ZFHX3: variants seen among roughly 807,000 people sequenced by gnomAD.
The protein encoded by ZFHX3 is zinc finger homeobox protein 3.
In ZFHX3, 42 loss-of-function variants were observed where a neutral mutation model predicts 279.1. The observed-to-expected ratio is 0.15, with a 90% CI of 0.12 to 0.19. The LOEUF is 0.19. Among genes scored for constraint, ZFHX3 ranks in the 10% least tolerant of loss-of-function variants. The probability of loss-of-function intolerance (pLI) is 1.00; values close to 1 mark genes in which losing one functional copy is unlikely to be tolerated. For missense variants in ZFHX3, 4,981 were observed against 4,754.0 expected (o/e 1.05, Z -1.40); for synonymous variants, 2,293 against 1,957.8 (o/e 1.17, Z -4.52).
intron 2 of ZFHX3, among the ~76,000 whole-genome samples, chr16:73,466,113 A>G (rs2018566365): frequency 6.6e-6 from 1 of 152,152 alleles, no homozygotes; most frequent in African/African-American, 2.4e-5. Context: ...GAAAACATGA[A>G]CTTAATTATA....
chr16:73,552,996 C>T (rs969893602), intron 2 of ZFHX3, among the ~76,000 whole-genome samples: 2 of 152,202 alleles, frequency 1.3e-5, no homozygotes, highest in African/African-American at 4.8e-5. Context: ...CTTCAAGCAC[C>T]TTTTGTCACA....
chr16:73,805,412 G>A (rs8048235), intron 1 of ZFHX3, among the ~76,000 whole-genome samples: 78 of 152,184 alleles, frequency 5.1e-4, no homozygotes, highest in East Asian at 3.5e-3. Flanking sequence ...CAGGTGATCC[G>A]CCTGCCTCTG....
chr16:73,712,070 G>A (rs565714381), intron 1 of ZFHX3, among the ~76,000 whole-genome samples: 35 of 152,308 alleles, frequency 2.3e-4, no homozygotes, highest in African/African-American at 8.4e-4. Flanking sequence ...TATACCTGTG[G>A]CTCATACGGA....
At chr16:73,502,088 T>A (rs4888429) in intron 2 of ZFHX3, among the ~76,000 whole-genome samples, 1 of 151,652 alleles carries the variant, frequency 6.6e-6, no homozygotes, top group African/African-American at 2.4e-5. Flanking sequence ...AGGTACAGCA[T>A]TAAAAGTTAC....
chr16:73,653,669 A>G (rs1310301530), intron 2 of ZFHX3, among the ~76,000 whole-genome samples: 1 of 152,026 alleles, frequency 6.6e-6, no homozygotes, highest in Non-Finnish European at 1.5e-5. Flanking sequence ...GTAAAAATAG[A>G]AAAAAAACCC....
chr16:73,430,186 G>A (rs915815783), intron 3 of ZFHX3, among the ~76,000 whole-genome samples: 9 of 152,042 alleles, frequency 5.9e-5, no homozygotes, highest in Non-Finnish European at 1.3e-4. Context: ...CACCCTGCTG[G>A]CTCTCCTCCA....
intron 5 of ZFHX3, among the ~76,000 whole-genome samples, chr16:73,249,978 A>C (rs957102899): frequency 6.6e-6 from 1 of 152,246 alleles, no homozygotes. Context: ...ATGGATGTAA[A>C]GGATGACAGC....
intron 4 of ZFHX3, among the ~76,000 whole-genome samples, chr16:72,831,337 TTA>T (rs2037055588): frequency 6.6e-6 from 1 of 152,064 alleles, no homozygotes; most frequent in Non-Finnish European, 1.5e-5. Flanking sequence ...AAGAGGGAGT[TTA>T]TGAGGCAGTC....
intron 5 of ZFHX3, among the ~76,000 whole-genome samples, chr16:73,229,800 A>C (rs1189184665): frequency 6.6e-6 from 1 of 152,218 alleles, no homozygotes; most frequent in Non-Finnish European, 1.5e-5. Context: ...CAGAGAACCA[A>C]ATAATATAGT....
At chr16:73,576,967 G>A (rs1461138003) in intron 2 of ZFHX3, among the ~76,000 whole-genome samples, 2 of 152,256 alleles carry the variant, frequency 1.3e-5, no homozygotes, top group Non-Finnish European at 2.9e-5. Flanking sequence ...GGATCTTTTA[G>A]TTAGATCTAG....
chr16:73,482,111 C>T (rs190326706), intron 2 of ZFHX3, among the ~76,000 whole-genome samples: 256 of 152,036 alleles, frequency 1.7e-3, no homozygotes, highest in African/African-American at 5.7e-3. Flanking sequence ...CAAGTGTATA[C>T]GAGTGGAAAA....
At chr16:73,469,942 G>A (rs1184406551) in intron 2 of ZFHX3, among the ~76,000 whole-genome samples, 1 of 152,088 alleles carries the variant, frequency 6.6e-6, no homozygotes, top group Non-Finnish European at 1.5e-5. Flanking sequence ...ATTGGTCTGG[G>A]GTGAAGCTTG....
chr16:73,883,069 C>T (rs949733179), intron 1 of ZFHX3, among the ~76,000 whole-genome samples: 1 of 151,312 alleles, frequency 6.6e-6, no homozygotes, highest in African/African-American at 2.4e-5. Context: ...AAAAAAACTA[C>T]ATGATTTCTA....
At chr16:73,018,113 G>A (rs970036747) in intron 1 of ZFHX3, among the ~76,000 whole-genome samples, 6 of 151,584 alleles carry the variant, frequency 4.0e-5, no homozygotes, top group Non-Finnish European at 7.4e-5. Flanking sequence ...AGCCTCTTGA[G>A]TAGCTGGGAC....
Position 72,985,448 on chromosome 16 carries a change from G to T in ZFHX3, c.-49-25254C>A, listed in dbSNP as rs7185179. Among the ~76,000 whole-genome samples, 1,514 of 152,292 alleles carry T rather than the reference G, an allele frequency of 9.9e-3. 21 individuals carry two copies. Among genetic ancestry groups the T allele is most frequent in the African/African-American group, 0.033 (1,377 of 41,560 alleles). On this transcript the variant is annotated intron_variant, in intron 1 of 9. Coordinates refer to ENST00000268489, the MANE Select transcript of ZFHX3 (RefSeq NM_006885.4). ...TCCCAGGAAAGCCAGTTGCATAAGG[G>T]TGTCCTCAATTAAATTCTACACACG... is the stretch of plus-strand genomic sequence containing the variant.
intron 1 of ZFHX3, among the ~76,000 whole-genome samples, chr16:73,816,821 T>C (rs7499118): frequency 0.36 from 55,177 of 151,834 alleles, 10,184 homozygotes; most frequent in African/African-American, 0.43. Flanking sequence ...AGCCAGAGAG[T>C]TGTGGGCATT....
At chr16:73,143,811 T>C in exon 6 of ZFHX3, 1 of 1,302,616 alleles carries the variant, frequency 7.7e-7, no homozygotes, top group Non-Finnish European at 1.0e-6. Context: ...CTTCTGGGGG[T>C]TGTAACTTAT....
chr16:73,667,403 T>C (rs1303894226), intron 2 of ZFHX3, among the ~76,000 whole-genome samples: 1 of 152,222 alleles, frequency 6.6e-6, no homozygotes, highest in Non-Finnish European at 1.5e-5. Context: ...TGTGTGAACA[T>C]AAGTTTTTAT....
chr16:73,422,720 C>T (rs1028085948), intron 3 of ZFHX3, among the ~76,000 whole-genome samples: 2 of 152,164 alleles, frequency 1.3e-5, no homozygotes, highest in African/African-American at 2.4e-5. Flanking sequence ...CTATTCCTTC[C>T]TCTTAATAAT....
Sources: allele counts gnomAD v4.1 joint callset (sites outside exome capture counted in the v4.1 genomes callset), GRCh38; gene constraint gnomAD v4.1.1; transcripts MANE v1.5; gene names NCBI Gene and HGNC (gene_info 2026-07-23, HGNC 2026-07-21).